The following TFEB variants were observed in gnomAD, a reference collection of about 807,000 sequenced individuals.
TFEB encodes transcription factor EB.
A neutral mutation model predicts 48.0 loss-of-function variants in TFEB; 12 were observed. The observed-to-expected ratio is 0.25, with a 90% CI of 0.16 to 0.40. The LOEUF (loss-of-function observed/expected upper bound fraction) is 0.40, where lower values mean the gene tolerates loss of function less well. Ranked by LOEUF, TFEB falls within the 10% of genes least tolerant of loss-of-function variation. TFEB has a pLI of 1.00. For missense variants in TFEB, 509 were observed against 640.3 expected (o/e 0.79, Z 2.21); for synonymous variants, 244 against 261.4 (o/e 0.93, Z 0.64).
rs75085186 is a variant in TFEB at position 41,699,370 on chromosome 6, A to G, written c.-22-8135T>C. On this transcript the variant is annotated intron_variant, in intron 1 of 8. Transcript: ENST00000373033. ...TCCATTCACCCATTCATTCACACATACACACATACACACCATCTGAAAGCC... is the reference window on the plus strand; with the variant it reads ...TCCATTCACCCATTCATTCACACATGCACACATACACACCATCTGAAAGCC... 5.7e-3 allele frequency among the ~76,000 whole-genome samples: 875 copies of G among 152,340 alleles called. 6 individuals carry two copies. Among genetic ancestry groups the G allele is most frequent in the Non-Finnish European group, 9.1e-3 (616 of 68,026 alleles).
intron 1 of TFEB, among the ~76,000 whole-genome samples, chr6:41,717,693 A>AAAAAGGTAAGGAGC (rs1770797964): frequency 6.6e-6 from 1 of 152,176 alleles, no homozygotes; most frequent in Non-Finnish European, 1.5e-5. Flanking sequence ...AGGGGGCCAG[A>AAAAAGGTAAGGAGC]AAAAGGTAAG....
In TFEB at chr6:41,730,684, C is replaced by T. The variant is rs374555199; in HGVS notation, c.-23+4666G>A. Among the ~76,000 whole-genome samples, 10 of 152,344 alleles carry T rather than the reference C, an allele frequency of 6.6e-5. No homozygotes were observed. The East Asian group carries it at 1.3e-3, about 21-fold the overall frequency. ...TGGGCATGATAAGTCCCAGATCCTA[C>T]CCTATCACTGCGATTTTATCTCTGT... On this transcript the variant is annotated intron_variant, in intron 1 of 8. Coordinates refer to ENST00000373033, the MANE Select transcript of TFEB (RefSeq NM_001271944.2). The surrounding 1 kb of genome is among the most constrained non-coding windows in gnomAD (Gnocchi z 4.1).
rs150099647 is a variant in TFEB, at chr6:41,712,976, C to G, written c.-22-21741G>C. ...GGGGACTCCTGAGTCTAGCCACTGGCTGGGCTGCTCGCTTGCGAGGCATTT... is the reference window on the plus strand; with the variant it reads ...GGGGACTCCTGAGTCTAGCCACTGGGTGGGCTGCTCGCTTGCGAGGCATTT... On this transcript the variant is annotated intron_variant, in intron 1 of 8. Transcript: ENST00000373033. Among the ~76,000 whole-genome samples, 61 of 152,350 alleles carry G rather than the reference C, an allele frequency of 4.0e-4. No individual in the cohort carries two copies. In the East Asian group the frequency reaches 0.012, roughly 29 times the overall value.
intron 1 of TFEB, among the ~76,000 whole-genome samples, chr6:41,728,010 G>A (rs1345744737): frequency 1.3e-5 from 2 of 152,218 alleles, no homozygotes; most frequent in Non-Finnish European, 2.9e-5. Flanking sequence ...CCCAGAAGGT[G>A]GAAAGGGCTG....
chr6:41,684,662 G>A lies in TFEB; in HGVS notation c.1368C>T (p.Pro456=), dbSNP rs139541095. The change falls in exon 9 of 9, where the codon CCC becomes CCT. Residue 456 remains proline, a synonymous_variant. Coordinates refer to ENST00000373033, the MANE Select transcript of TFEB (RefSeq NM_001271944.2). ...ASDPLLSTMS[P]EASKASSRRS... is the part of the protein sequence containing the mutation. Reference sequence around the variant, plus strand: ...GGCGGCTGCTGGCCTTGGAGGCCTCGGGGGACATGGTGGACAGAAGTGGAT... The same window carrying A: ...GGCGGCTGCTGGCCTTGGAGGCCTCAGGGGACATGGTGGACAGAAGTGGAT... 57 of 1,612,394 alleles carry A rather than the reference G, an allele frequency of 3.5e-5. No individual in the cohort carries two copies. The highest frequency in any genetic ancestry group is 1.0e-4 in the Admixed American group (6 of 59,878).
Position 41,691,028 on chromosome 6 carries a change from T to G in TFEB, c.186A>C (p.Pro62=). The G allele has an allele frequency of 6.3e-7, 1 of 1,575,044 alleles. No individual in the cohort carries two copies. The highest frequency in any genetic ancestry group is 8.6e-7 in the Non-Finnish European group (1 of 1,158,848). The part of the protein sequence containing the change: ...AINTPVHFQS[P]PPVPGEVLKV... The stretch of plus-strand genomic sequence containing the variant: ...TCAACACCTCCCCAGGCACAGGTGG[T>G]GGCGACTGGAAGTGGACGGGGGTAT... The change falls in exon 2 of 9, where the codon CCA becomes CCC. Residue 62 remains proline, a synonymous_variant. Transcript: ENST00000373033. This position sits in a 1 kb window ranked among gnomAD's most constrained non-coding sequence, Gnocchi z 5.2.
In TFEB at chr6:41,732,582, A is replaced by G. The variant is rs1001584695; in HGVS notation, c.-23+2768T>C. 3 of 985,768 alleles carry G rather than the reference A, an allele frequency of 3.0e-6. No homozygotes were observed. The African/African-American group carries it at 5.2e-5, about 17-fold the overall frequency. 61.1% of individuals were successfully genotyped at this position (985,768 alleles called of 1,614,324 possible). On this transcript the variant is annotated intron_variant, in intron 1 of 8. Transcript: ENST00000373033. ...ACCCACATTCCTAGACACTTTAACC[A>G]CACACACAAACTCACAACCATTACA...
intron 6 of TFEB, 58 bp downstream of exon 6, chr6:41,687,695 C>A: frequency 3.1e-6 from 5 of 1,608,724 alleles, no homozygotes; most frequent in Non-Finnish European, 4.2e-6. Flanking sequence ...GGCTTTTTAG[C>A]CAGCCCAGGT....
At chr6:41,697,415 A>AAAAAAAAAAAAAG (rs1331904660) in intron 1 of TFEB, among the ~76,000 whole-genome samples, 2 of 90,886 alleles carry the variant, frequency 2.2e-5, no homozygotes, top group Non-Finnish European at 5.3e-5. Context: ...TCTCAAAAAA[A>AAAAAAAAAAAAAG]AAAAAAAAAA....
intron 1 of TFEB, among the ~76,000 whole-genome samples, chr6:41,710,291 G>A (rs2127247556): frequency 6.6e-6 from 1 of 152,260 alleles, no homozygotes; most frequent in African/African-American, 2.4e-5. Context: ...CCACCATGTG[G>A]TCATGCCATG....
chr6:41,701,204 C>G (rs1769904741), intron 1 of TFEB, among the ~76,000 whole-genome samples: 1 of 152,212 alleles, frequency 6.6e-6, no homozygotes, highest in South Asian at 2.1e-4. Context: ...CTGCCGCTTG[C>G]AGTCTAAGGA....
intron 1 of TFEB, among the ~76,000 whole-genome samples, chr6:41,702,937 C>G (rs140024923): frequency 2.6e-4 from 39 of 152,344 alleles, no homozygotes; most frequent in African/African-American, 8.9e-4. Flanking sequence ...TCCCTGCCGC[C>G]TGCCTGGTGT....
Position 41,684,389 on chromosome 6 carries a change from G to A in TFEB, c.*210C>T, listed in dbSNP as rs1768874900. On this transcript the variant is annotated 3_prime_UTR_variant, in exon 9 of 9. Transcript: ENST00000373033. ...GGGGCTGAAGGCCTCTTCCCACTGC[G>A]CCAGTCAAGAGGGCTGCCCTGGGGG... 1.2e-5 allele frequency: 6 copies of A among 489,700 alleles called. No homozygotes were observed. The highest frequency in any genetic ancestry group is 2.0e-5 in the African/African-American group (1 of 50,042). The allele number at this position is 489,700 out of a possible 1,614,324, so 30.3% of individuals were successfully genotyped here.
chr6:41,732,538 A>G, intron 1 of TFEB: 1 of 980,158 alleles, frequency 1.0e-6, no homozygotes, highest in South Asian at 4.7e-5. Context: ...TCATAGACAC[A>G]CATGCACAGT....
Position 41,732,251 on chromosome 6 carries a change from T to C in TFEB, c.-23+3099A>G, listed in dbSNP as rs759607697. 3.6e-4 allele frequency among the ~76,000 whole-genome samples: 54 copies of C among 152,108 alleles called. 1 individual carries two copies. The highest frequency in any genetic ancestry group is 1.5e-5 in the Non-Finnish European group (1 of 68,006). On this transcript the variant is annotated intron_variant, in intron 1 of 8. Coordinates refer to ENST00000373033, the MANE Select transcript of TFEB (RefSeq NM_001271944.2). ...ACTCCTGGGAAACCCCTTGAAGAAG[T>C]GGTCTTCTTTAGGGACTGAGAACAC...
At chr6:41,687,870 C>T (rs200329864) in intron 5 of TFEB, 38 bp downstream of exon 5, 395 of 1,609,134 alleles carry the variant, frequency 2.5e-4, no homozygotes, top group Middle Eastern at 1.3e-3. Flanking sequence ...AGGGAGGAGT[C>T]GGGTATTCAA....
rs188413910 is a variant in TFEB, at chr6:41,728,296, T to G, written c.-23+7054A>C. On this transcript the variant is annotated intron_variant, in intron 1 of 8. Coordinates refer to ENST00000373033, the MANE Select transcript of TFEB (RefSeq NM_001271944.2). ...CTCTGATGTGCTCAGTACATGCCTG[T>G]TGACACTGAAGGCCTTGTGCTGCTG... Among the ~76,000 whole-genome samples the G allele has an allele frequency of 6.6e-5, 10 of 152,282 alleles. No homozygotes were observed. The East Asian group carries it at 1.9e-3, about 29-fold the overall frequency.
rs755925517 is a variant in TFEB at position 41,686,264 on chromosome 6, A to G, written c.804-27T>C. The G allele has an allele frequency of 6.2e-6, 10 of 1,612,668 alleles. No homozygotes were observed. In the South Asian group the frequency reaches 1.1e-4, roughly 18 times the overall value. On this transcript the variant is annotated intron_variant, in intron 7 of 8. Transcript: ENST00000373033. ...TGCAGCAGCAGGCCAGGCAAATTAG[A>G]GGTGCATGCTCAGAAGAGTGGCCAA... is the stretch of plus-strand genomic sequence containing the variant.
chr6:41,707,847 T>C (rs1295638692), intron 1 of TFEB, among the ~76,000 whole-genome samples: 1 of 152,188 alleles, frequency 6.6e-6, no homozygotes, highest in Non-Finnish European at 1.5e-5. Context: ...AGTTCCCGGC[T>C]GACTAAAAGG....
Sources: gnomAD v4.1 joint callset for allele counts (sites outside exome capture counted in the v4.1 genomes callset) on GRCh38, gnomAD v4.1.1 for gene constraint, Gnocchi (gnomAD v3.1) non-coding constraint, MANE v1.5 for transcripts, NCBI Gene and HGNC (gene_info 2026-07-23, HGNC 2026-07-21) for gene names.